The following TNR variants were observed in gnomAD, a reference collection of about 807,000 sequenced individuals.
The protein encoded by TNR is tenascin R.
Under a neutral mutation model 150.4 loss-of-function variants are expected in TNR, and 45 were observed. The observed-to-expected ratio is 0.30, with a 90% CI of 0.24 to 0.38. TNR has a LOEUF of 0.38. TNR is among the 10% of genes least tolerant of loss of function. The pLI is 1.00. For synonymous variants in TNR, 687 were observed against 678.4 expected, an observed-to-expected ratio of 1.01 and a Z score of -0.20; for missense variants, 1,544 against 1,759.1, an observed-to-expected ratio of 0.88 and a Z score of 2.19.
intron 20 of TNR, among the ~76,000 whole-genome samples, chr1:175,334,513 T>C (rs1229808640): frequency 1.3e-5 from 2 of 152,236 alleles, no homozygotes; most frequent in Non-Finnish European, 2.9e-5. Flanking sequence ...TAGTTGCTCC[T>C]ATAGATAACA....
rs539733913 is a variant in TNR at position 175,383,913 on chromosome 1, C to T, written c.1777+2119G>A. Among the ~76,000 whole-genome samples, 94 of 152,294 alleles carry T rather than the reference C, an allele frequency of 6.2e-4. 1 individual carries two copies. Among genetic ancestry groups the T allele is most frequent in the Admixed American group, 3.2e-3 (49 of 15,302 alleles). Reference sequence around the variant, plus strand: ...GGCTGAGGCTGTATTGAGAAGTCAGCCGCCTGACAGCTGCCAATCCACCAG... The same window carrying T: ...GGCTGAGGCTGTATTGAGAAGTCAGTCGCCTGACAGCTGCCAATCCACCAG... On this transcript the variant is annotated intron_variant, in intron 8 of 22. Coordinates refer to ENST00000367674, the MANE Select transcript of TNR (RefSeq NM_003285.3).
intron 19 of TNR, 135 bp downstream of exon 19, chr1:175,337,393 A>G (rs1650299933): frequency 6.0e-6 from 6 of 999,334 alleles, no homozygotes; most frequent in Non-Finnish European, 9.0e-6. Context: ...GGCAATGAGG[A>G]GCCCCAAGAT....
rs1481875189 is a variant in TNR at position 175,396,615 on chromosome 1, G to A, written c.1169C>T (p.Thr390Ile). ...VTITELEPGL[T>I]YNISVYAVIS... ...GACAGCGTAGACGCTGATGTTGTAG[G>A]TGAGACCTGGCTCCAGCTCCGTGAT... The change falls in exon 5 of 23, where the codon ACC (threonine) becomes ATC (isoleucine). Residue 390 changes from threonine (T) to isoleucine (I), a missense_variant. Physicochemically the swap from Thr to Ile is moderately conservative, Grantham distance 89. Transcript: ENST00000367674. The A allele has an allele frequency of 3.1e-6, 5 of 1,614,252 alleles. No individual in the cohort carries two copies. Among genetic ancestry groups the A allele is most frequent in the Middle Eastern group, 1.6e-4 (1 of 6,062 alleles).
chr1:175,346,545 GAAGTA>G (rs756938813), intron 18 of TNR, among the ~76,000 whole-genome samples: 1 of 151,546 alleles, frequency 6.6e-6, no homozygotes, highest in African/African-American at 2.4e-5. Flanking sequence ...GGAAGACTGA[GAAGTA>G]AAGACAGAAT....
chr1:175,460,236 C>G (rs550346185), intron 2 of TNR, among the ~76,000 whole-genome samples: 2 of 152,204 alleles, frequency 1.3e-5, no homozygotes, highest in East Asian at 3.9e-4. Context: ...CAAAGTGACA[C>G]GTGCCCAAGG....
intron 1 of TNR, among the ~76,000 whole-genome samples, chr1:175,639,105 C>T (rs1012372889): frequency 6.6e-6 from 1 of 152,164 alleles, no homozygotes; most frequent in Admixed American, 6.5e-5. Context: ...CTCATGGAAG[C>T]TGGTGTCCCT....
In TNR at chr1:175,379,740, A is replaced by G. The variant is rs1263189377; in HGVS notation, c.1778-3T>C. The G allele has an allele frequency of 1.2e-6, 2 of 1,613,964 alleles. No homozygotes were observed. The highest frequency in any genetic ancestry group is 1.1e-5 in the South Asian group (1 of 91,024). ...CAAGTTCTTGGGGGCATCGATCTCT[A>G]AAAATAGACAGACATCACCAACATC... On this transcript the variant is annotated splice_region_variant and splice_polypyrimidine_tract_variant and intron_variant, in intron 8 of 22. Coordinates refer to ENST00000367674, the MANE Select transcript of TNR (RefSeq NM_003285.3).
intron 20 of TNR, among the ~76,000 whole-genome samples, chr1:175,331,261 T>C (rs1389284878): frequency 1.7e-4 from 21 of 123,164 alleles, no homozygotes; most frequent in Admixed American, 2.6e-4. Flanking sequence ...CTCCCTCCCT[T>C]CCTTCCTTTC....
chr1:175,507,545 C>T (rs188583644), intron 2 of TNR, among the ~76,000 whole-genome samples: 59 of 151,154 alleles, frequency 3.9e-4, no homozygotes, highest in African/African-American at 1.3e-3. Flanking sequence ...CACATCTGAT[C>T]CCCCCTTCCC....
At chr1:175,664,108 A>G (rs1228639505) in intron 1 of TNR, among the ~76,000 whole-genome samples, 1 of 152,232 alleles carries the variant, frequency 6.6e-6, no homozygotes, top group Non-Finnish European at 1.5e-5. Context: ...TGCATGGCCA[A>G]AGGGGCCCGT....
chr1:175,705,149 C>A (rs1378060087), intron 1 of TNR, among the ~76,000 whole-genome samples: 1 of 151,130 alleles, frequency 6.6e-6, no homozygotes, highest in African/African-American at 2.4e-5. Context: ...CCCATAGCAC[C>A]TGGTTCCTGC....
chr1:175,350,218 G>A (rs2102001716), intron 18 of TNR, among the ~76,000 whole-genome samples: 1 of 152,304 alleles, frequency 6.6e-6, no homozygotes, highest in Middle Eastern at 3.4e-3. Flanking sequence ...GGCAGGGACA[G>A]GAGCAAAGGT....
intron 9 of TNR, among the ~76,000 whole-genome samples, chr1:175,374,938 A>G (rs1053507705): frequency 1.3e-5 from 2 of 152,284 alleles, no homozygotes; most frequent in Non-Finnish European, 2.9e-5. Flanking sequence ...GAGAGAGTGG[A>G]TGGCTTAGGG....
At chr1:175,545,937 G>A (rs1660667802) in intron 1 of TNR, among the ~76,000 whole-genome samples, 1 of 152,150 alleles carries the variant, frequency 6.6e-6, no homozygotes, top group Admixed American at 6.5e-5. Context: ...GATGTGGCAG[G>A]GAAGTATAAA....
intron 8 of TNR, among the ~76,000 whole-genome samples, chr1:175,382,974 A>G (rs1380279907): frequency 6.6e-6 from 1 of 151,658 alleles, no homozygotes; most frequent in Non-Finnish European, 1.5e-5. Flanking sequence ...CTTCCTTCTG[A>G]GGGCTGTGAG....
chr1:175,596,403 C>G (rs1203546241), intron 1 of TNR, among the ~76,000 whole-genome samples: 1 of 152,132 alleles, frequency 6.6e-6, no homozygotes, highest in Non-Finnish European at 1.5e-5. Flanking sequence ...CCCTACTTCC[C>G]TCTTGTTTGT....
intron 1 of TNR, among the ~76,000 whole-genome samples, chr1:175,677,523 C>A (rs1199220758): frequency 6.6e-6 from 1 of 152,158 alleles, no homozygotes; most frequent in East Asian, 1.9e-4. Context: ...AAGCAGAGAC[C>A]CTTTCACAAC....
intron 1 of TNR, among the ~76,000 whole-genome samples, chr1:175,696,228 T>TGTTG (rs776936256): frequency 5.0e-5 from 6 of 120,840 alleles, no homozygotes; most frequent in East Asian, 3.4e-4. Context: ...TTTTTTTTTT[T>TGTTG]TTTTTTTTTT....
Position 175,440,616 on chromosome 1 carries a change from A to C in TNR, c.-63-33839T>G, listed in dbSNP as rs1007975395. 2.0e-5 allele frequency among the ~76,000 whole-genome samples: 3 copies of C among 152,126 alleles called. No homozygotes were observed. The South Asian group carries it at 6.2e-4, about 32-fold the overall frequency. ...GACGAGAGCCCAGCAAAGGAGAATGAGTAGGAGGGACTATTGAAGTGAGAG... is the reference window on the plus strand; with the variant it reads ...GACGAGAGCCCAGCAAAGGAGAATGCGTAGGAGGGACTATTGAAGTGAGAG... On this transcript the variant is annotated intron_variant, in intron 2 of 22. Transcript: ENST00000367674.
Sources: allele counts gnomAD v4.1 joint callset (sites outside exome capture counted in the v4.1 genomes callset), GRCh38; gene constraint gnomAD v4.1.1; transcripts MANE v1.5; gene names NCBI Gene and HGNC (gene_info 2026-07-23, HGNC 2026-07-21).